Variants in PDE1A observed in about 807,000 individuals in gnomAD.
PDE1A encodes the protein dual specificity calcium/calmodulin-dependent 3',5'-cyclic nucleotide phosphodiesterase 1A.
Under a neutral mutation model 61.7 loss-of-function variants are expected in PDE1A, and 35 were observed. That is an observed-to-expected ratio of 0.57 (90% CI 0.43 to 0.75). The LOEUF is 0.75. PDE1A is among the 30% of genes least tolerant of loss of function. PDE1A has a pLI of 0.00. For synonymous variants in PDE1A, 232 were observed against 213.2 expected, an observed-to-expected ratio of 1.09 and a Z score of -0.77; for missense variants, 597 against 630.6, an observed-to-expected ratio of 0.95 and a Z score of 0.57.
chr2:182,704,047 C>G, the PDE1A span, among the ~76,000 whole-genome samples: 1 of 143,156 alleles, frequency 7.0e-6, no homozygotes, highest in Non-Finnish European at 1.5e-5. Context: ...CTAAAAATTA[C>G]AAAAAAAAAA....
At chr2:182,286,996 G>A (rs1694208958) in intron 1 of PDE1A, among the ~76,000 whole-genome samples, 1 of 151,960 alleles carries the variant, frequency 6.6e-6, no homozygotes, top group African/African-American at 2.4e-5. Flanking sequence ...ATGTCTTTCA[G>A]TAGGGCATTG....
chr2:182,280,897 T>C (rs143157775), intron 1 of PDE1A, among the ~76,000 whole-genome samples: 527 of 152,040 alleles, frequency 3.5e-3, no homozygotes, highest in Non-Finnish European at 5.7e-3. Flanking sequence ...AAACTTCTTT[T>C]TAATGATGTA....
chr2:182,592,805 A>G, the PDE1A span, among the ~76,000 whole-genome samples: 3 of 152,114 alleles, frequency 2.0e-5, no homozygotes, highest in Admixed American at 2.0e-4. Context: ...AAAAGGAAAA[A>G]GGGTAGTTGA....
chr2:182,451,658 C>T (rs1378523200), intron 2 of PDE1A, among the ~76,000 whole-genome samples: 1 of 152,046 alleles, frequency 6.6e-6, no homozygotes, highest in Non-Finnish European at 1.5e-5. Flanking sequence ...GGGACCTGAG[C>T]TCACATGTCA....
At position 182,224,609 on chromosome 2, in the gene PDE1A, A is replaced by T. The variant is rs1433147060; in HGVS notation, c.676-645T>A. Among the ~76,000 whole-genome samples the T allele has an allele frequency of 3.3e-5, 5 of 151,976 alleles. No homozygotes were observed. In the East Asian group the frequency reaches 7.7e-4, roughly 23 times the overall value. On this transcript the variant is annotated intron_variant, in intron 6 of 13. Transcript: ENST00000351439. ...CATTCATCTTTCAGTTACTAACTAG[A>T]TGCTTTAACAAAAGTTCCCTGCTAT...
At chr2:182,244,010 G>C (rs958285949) in intron 2 of PDE1A, among the ~76,000 whole-genome samples, 5 of 152,266 alleles carry the variant, frequency 3.3e-5, no homozygotes, top group African/African-American at 7.2e-5. Flanking sequence ...TGGGATTACA[G>C]GCACGTGCCA....
At chr2:182,401,695 G>C (rs1702006563) in intron 1 of PDE1A, among the ~76,000 whole-genome samples, 1 of 152,174 alleles carries the variant, frequency 6.6e-6, no homozygotes, top group Non-Finnish European at 1.5e-5. Flanking sequence ...GCAAAAGAAA[G>C]AAATAAAGGG....
intron 2 of PDE1A, among the ~76,000 whole-genome samples, chr2:182,445,698 C>G (rs371016882): frequency 4.3e-4 from 66 of 152,138 alleles, no homozygotes; most frequent in African/African-American, 1.4e-3. Flanking sequence ...AAGTTTCTGC[C>G]TAGGGCAATA....
the PDE1A span, among the ~76,000 whole-genome samples, chr2:182,595,843 G>A: frequency 6.6e-6 from 1 of 152,200 alleles, no homozygotes; most frequent in Non-Finnish European, 1.5e-5. Context: ...TTAGGAGGGT[G>A]AGGAGATGAC....
At chr2:182,634,786 CA>C in the PDE1A span, among the ~76,000 whole-genome samples, 93,614 of 152,000 alleles carry the variant, frequency 0.62, 29,067 homozygotes, top group Admixed American at 0.71. Context: ...TTTGCACTGG[CA>C]AAATATTAAA....
chr2:182,275,410 C>G (rs1209508382), intron 1 of PDE1A, among the ~76,000 whole-genome samples: 1 of 152,124 alleles, frequency 6.6e-6, no homozygotes, highest in Non-Finnish European at 1.5e-5. Context: ...TATGATTATA[C>G]AGAGCACTGC....
At chr2:182,650,228 G>A in the PDE1A span, among the ~76,000 whole-genome samples, 2 of 152,126 alleles carry the variant, frequency 1.3e-5, no homozygotes, top group East Asian at 1.9e-4. Context: ...GAAAACGCAA[G>A]TATTGTTTAG....
chr2:182,403,471 C>T (rs566559181), intron 1 of PDE1A, among the ~76,000 whole-genome samples: 2 of 151,810 alleles, frequency 1.3e-5, no homozygotes, highest in South Asian at 2.1e-4. Context: ...TGGTGGCGGG[C>T]GCCTGTAGTC....
the PDE1A span, among the ~76,000 whole-genome samples, chr2:182,684,005 C>A: frequency 1.3e-5 from 2 of 151,748 alleles, no homozygotes; most frequent in African/African-American, 4.8e-5. Flanking sequence ...TGCCTGTAAT[C>A]CCAGATACCT....
At chr2:182,339,330 A>G (rs1453136780) in intron 1 of PDE1A, among the ~76,000 whole-genome samples, 1 of 152,208 alleles carries the variant, frequency 6.6e-6, no homozygotes, top group Non-Finnish European at 1.5e-5. Flanking sequence ...GAAAATGTTC[A>G]GTATAAACTA....
At chr2:182,684,081 C>T in the PDE1A span, among the ~76,000 whole-genome samples, 1 of 149,928 alleles carries the variant, frequency 6.7e-6, no homozygotes. Context: ...TGAGATCACG[C>T]CATTGCACTC....
chr2:182,693,802 A>G, the PDE1A span, among the ~76,000 whole-genome samples: 1 of 151,268 alleles, frequency 6.6e-6, no homozygotes, highest in African/African-American at 2.4e-5. Flanking sequence ...ACCCACCACC[A>G]CACCCAACTA....
the PDE1A span, among the ~76,000 whole-genome samples, chr2:182,629,837 T>C: frequency 6.6e-6 from 1 of 152,246 alleles, no homozygotes; most frequent in Non-Finnish European, 1.5e-5. Context: ...GATGCTAAAA[T>C]GTAAGTTACT....
At chr2:182,685,464 A>C in the PDE1A span, among the ~76,000 whole-genome samples, 1 of 152,198 alleles carries the variant, frequency 6.6e-6, no homozygotes, top group Non-Finnish European at 1.5e-5. Context: ...TTGACTTTGG[A>C]GTCATACAAA....
Sources: gnomAD v4.1 joint callset for allele counts (sites outside exome capture counted in the v4.1 genomes callset) on GRCh38, gnomAD v4.1.1 for gene constraint, MANE v1.5 for transcripts, NCBI Gene and HGNC (gene_info 2026-07-23, HGNC 2026-07-21) for gene names.